The following KCNK2 variants were observed in gnomAD, a reference collection of about 807,000 sequenced individuals.
KCNK2 encodes potassium channel subfamily K member 2.
A neutral mutation model predicts 40.5 loss-of-function variants in KCNK2; 21 were observed. The ratio of observed to expected loss-of-function variants is 0.52; its 90% CI spans 0.37 to 0.75. The LOEUF (loss-of-function observed/expected upper bound fraction) is 0.75. Among genes scored for constraint, KCNK2 ranks in the 30% least tolerant of loss-of-function variants. KCNK2 has a pLI of 0.00. For synonymous variants in KCNK2, 191 were observed against 202.2 expected (o/e 0.94, Z 0.47); for missense variants, 399 against 531.6 (o/e 0.75, Z 2.45).
chr1:215,136,166 G>T (rs1429460293), intron 3 of KCNK2, among the ~76,000 whole-genome samples: 1 of 151,944 alleles, frequency 6.6e-6, no homozygotes, highest in Non-Finnish European at 1.5e-5. Context: ...CATGACCCCG[G>T]TTCACTTCAA....
rs1276047860 is a variant in KCNK2, at chr1:215,235,987, C to A, written c.*842C>A. The A allele has an allele frequency of 1.3e-5, 2 of 152,248 alleles. No homozygotes were observed. Among genetic ancestry groups the A allele is most frequent in the East Asian group, 1.9e-4 (1 of 5,154 alleles). 9.4% of individuals were successfully genotyped at this position (152,248 alleles called of 1,614,324 possible). On this transcript the variant is annotated 3_prime_UTR_variant, in exon 7 of 7. Coordinates refer to ENST00000444842, the MANE Select transcript of KCNK2 (RefSeq NM_001017425.3). ...CGCAAACAATCCCCTTTTTTCCTGGCAGTATTTGGAATTTATCATTTATTA... is the reference window on the plus strand; with the variant it reads ...CGCAAACAATCCCCTTTTTTCCTGGAAGTATTTGGAATTTATCATTTATTA...
chr1:215,202,202 T>C (rs1009792467), intron 6 of KCNK2, among the ~76,000 whole-genome samples: 1 of 152,154 alleles, frequency 6.6e-6, no homozygotes, highest in African/African-American at 2.4e-5. Context: ...CAATGGGCTG[T>C]TCAAACTAAG....
intron 3 of KCNK2, among the ~76,000 whole-genome samples, chr1:215,131,034 G>C (rs1258242413): frequency 6.6e-6 from 1 of 150,854 alleles, no homozygotes; most frequent in Non-Finnish European, 1.5e-5. Context: ...CTAATTTTTT[G>C]TATTTTTAGT....
intron 6 of KCNK2, among the ~76,000 whole-genome samples, chr1:215,209,511 A>AT (rs1472524718): frequency 7.4e-4 from 3 of 4,080 alleles, no homozygotes; most frequent in African/African-American, 2.5e-3. Flanking sequence ...TATAATATAT[A>AT]TAAAATATAA....
At chr1:215,011,425 C>A (rs1486018114) in intron 1 of KCNK2, among the ~76,000 whole-genome samples, 1 of 151,968 alleles carries the variant, frequency 6.6e-6, no homozygotes, top group African/African-American at 2.4e-5. Flanking sequence ...TCCTGAGTAG[C>A]TGGGACTACA....
chr1:215,077,559 C>T (rs544104775), intron 1 of KCNK2, among the ~76,000 whole-genome samples: 50 of 152,260 alleles, frequency 3.3e-4, no homozygotes, highest in African/African-American at 1.1e-3. Flanking sequence ...TTAAAATGCA[C>T]TTGATGAGAT....
intron 5 of KCNK2, among the ~76,000 whole-genome samples, chr1:215,179,704 AT>A (rs1192038356): frequency 6.6e-6 from 1 of 152,072 alleles, no homozygotes; most frequent in Non-Finnish European, 1.5e-5. Context: ...TTCTATTGTA[AT>A]TCCACTGTAG....
intron 1 of KCNK2, among the ~76,000 whole-genome samples, chr1:215,013,390 GTTC>G (rs1174558305): frequency 6.6e-6 from 1 of 152,042 alleles, no homozygotes; most frequent in Non-Finnish European, 1.5e-5. Flanking sequence ...TTCTAAATTT[GTTC>G]TTCTTTTAAA....
At chr1:215,184,008 A>G (rs1664328252) in intron 5 of KCNK2, among the ~76,000 whole-genome samples, 1 of 152,194 alleles carries the variant, frequency 6.6e-6, no homozygotes, top group Non-Finnish European at 1.5e-5. Context: ...TCAAAAATAC[A>G]GTGTACACCT....
intron 1 of KCNK2, among the ~76,000 whole-genome samples, chr1:215,064,945 TTAAA>T (rs1658486915): frequency 6.6e-6 from 1 of 152,208 alleles, no homozygotes; most frequent in African/African-American, 2.4e-5. Context: ...GTTAAAGTGT[TTAAA>T]TATTAACTGT....
At chr1:215,054,701 G>C (rs1658098613) in intron 1 of KCNK2, among the ~76,000 whole-genome samples, 1 of 152,210 alleles carries the variant, frequency 6.6e-6, no homozygotes. Context: ...ATGTAAATCT[G>C]TGGAGACAAT....
chr1:215,137,201 T>C (rs984954403), intron 3 of KCNK2, among the ~76,000 whole-genome samples: 1 of 152,216 alleles, frequency 6.6e-6, no homozygotes, highest in Non-Finnish European at 1.5e-5. Context: ...ATTTAGAGTA[T>C]TGTACCAATG....
At chr1:215,097,061 G>A (rs532204776) in intron 2 of KCNK2, among the ~76,000 whole-genome samples, 1 of 151,842 alleles carries the variant, frequency 6.6e-6, no homozygotes, top group East Asian at 1.9e-4. Flanking sequence ...ATAATTAATA[G>A]ATCAACCGAG....
intron 2 of KCNK2, among the ~76,000 whole-genome samples, chr1:215,123,129 C>T (rs1198150440): frequency 6.6e-6 from 1 of 151,866 alleles, no homozygotes; most frequent in African/African-American, 2.4e-5. Flanking sequence ...AATATTTATA[C>T]ATAAATATGT....
chr1:215,198,297 T>C (rs1327274341), intron 6 of KCNK2, among the ~76,000 whole-genome samples: 2 of 152,174 alleles, frequency 1.3e-5, no homozygotes, highest in African/African-American at 4.8e-5. Flanking sequence ...TCAGCTGCTC[T>C]GGACAGGGGA....
rs577039688 is a variant in KCNK2, at chr1:215,228,117, C to T, written c.964-6711C>T. Among the ~76,000 whole-genome samples the T allele has an allele frequency of 5.7e-4, 86 of 152,124 alleles. 1 individual carries two copies. The highest frequency in any genetic ancestry group is 1.9e-3 in the African/African-American group (80 of 41,502). On this transcript the variant is annotated intron_variant, in intron 6 of 6. Transcript: ENST00000444842. The stretch of plus-strand genomic sequence containing the variant: ...GAAATATGGATTTGGGAGTCATCAG[C>T]AAATAGATGGTAATTGAAACAATCG...
intron 5 of KCNK2, among the ~76,000 whole-genome samples, chr1:215,192,715 G>T (rs1339408): frequency 6.6e-6 from 1 of 151,964 alleles, no homozygotes; most frequent in Admixed American, 6.6e-5. Flanking sequence ...TTTTAGAGCC[G>T]TATCCTCCAT....
intron 3 of KCNK2, among the ~76,000 whole-genome samples, chr1:215,139,785 A>C (rs1410244453): frequency 6.6e-6 from 1 of 152,154 alleles, no homozygotes; most frequent in Non-Finnish European, 1.5e-5. Flanking sequence ...ACCAGTTTTT[A>C]ATGCCTTTTT....
chr1:215,215,905 T>C (rs1665939846), intron 6 of KCNK2, among the ~76,000 whole-genome samples: 1 of 152,166 alleles, frequency 6.6e-6, no homozygotes, highest in African/African-American at 2.4e-5. Flanking sequence ...CTCCACAATA[T>C]TTCCATTGTC....
Sources: allele counts gnomAD v4.1 joint callset (sites outside exome capture counted in the v4.1 genomes callset), GRCh38; gene constraint gnomAD v4.1.1; transcripts MANE v1.5; gene names NCBI Gene and HGNC (gene_info 2026-07-23, HGNC 2026-07-21).